RASEF: variants seen among roughly 807,000 people sequenced by gnomAD.
RASEF encodes RAS and EF-hand domain containing, also known as ras and EF-hand domain-containing protein.
RASEF carries 68 observed loss-of-function variants against 90.1 expected under a neutral mutation model. The observed-to-expected ratio is 0.75, with a 90% CI of 0.62 to 0.92. The LOEUF (loss-of-function observed/expected upper bound fraction) is 0.92. RASEF is among the 40% of genes least tolerant of loss of function. The probability of loss-of-function intolerance (pLI) is 0.00; values close to 1 mark genes in which losing one functional copy is unlikely to be tolerated. For missense variants in RASEF, 949 were observed against 937.2 expected (o/e 1.01, Z -0.16); for synonymous variants, 331 against 345.2 (o/e 0.96, Z 0.46).
At position 83,048,566 on chromosome 9, in the gene RASEF, AAATG is replaced by A. The variant is rs34939702; in HGVS notation, c.431+13867_431+13870del. 2,421 of 980,372 alleles carry A rather than the reference AAATG, an allele frequency of 2.5e-3. 43 individuals carry two copies. The African/African-American group carries it at 0.038, about 15-fold the overall frequency. The allele number at this position is 980,372 out of a possible 1,614,324, so 60.7% of individuals were successfully genotyped here. ...AGTTTAAGTGAAGGAATGAATGAGTAAATGAATGAATGAATGAATGAATGAAAAA... is the reference window on the plus strand; with the variant it reads ...AGTTTAAGTGAAGGAATGAATGAGTAAATGAATGAATGAATGAATGAAAAA... On this transcript the variant is annotated intron_variant, in intron 1 of 16. Coordinates refer to ENST00000376447, the MANE Select transcript of RASEF (RefSeq NM_152573.4).
the RASEF span, among the ~76,000 whole-genome samples, chr9:83,170,827 T>C: frequency 6.6e-6 from 1 of 151,902 alleles, no homozygotes; most frequent in African/African-American, 2.4e-5. Flanking sequence ...TTTGGTGAAG[T>C]CTTTAGGATT....
the RASEF span, among the ~76,000 whole-genome samples, chr9:83,125,984 G>A: frequency 6.6e-6 from 1 of 152,190 alleles, no homozygotes; most frequent in Non-Finnish European, 1.5e-5. Flanking sequence ...TGCTGGTTTA[G>A]CAGGGAGGAA....
Position 83,062,472 on chromosome 9 carries a change from C to T in RASEF, c.396G>A (p.Gln132=). Residue 132 remains glutamine, a synonymous_variant, in exon 1 of 17, where the codon CAG becomes CAA. Coordinates refer to ENST00000376447, the MANE Select transcript of RASEF (RefSeq NM_152573.4). ...ACTTGGCTTCGTCCCCAAGTCGCGC[C>T]TGGAAATCCTGCCAAGCCCGGCCGG... ...ASPGRAWQDF[Q]ARLGDEAKFI... The T allele has an allele frequency of 1.9e-6, 3 of 1,612,874 alleles. No individual in the cohort carries two copies. The highest frequency in any genetic ancestry group is 2.5e-6 in the Non-Finnish European group (3 of 1,179,706).
intron 14 of RASEF, among the ~76,000 whole-genome samples, chr9:82,996,252 T>A (rs1382956041): frequency 6.6e-6 from 1 of 152,204 alleles, no homozygotes; most frequent in East Asian, 1.9e-4. Context: ...TATACTTAGT[T>A]GAAAAGTTGT....
chr9:83,176,381 T>C, the RASEF span, among the ~76,000 whole-genome samples: 1 of 152,190 alleles, frequency 6.6e-6, no homozygotes, highest in Non-Finnish European at 1.5e-5. Context: ...TGTTTCTTTA[T>C]GTATAGTGTG....
At chr9:83,208,166 C>T in the RASEF span, among the ~76,000 whole-genome samples, 5,127 of 152,224 alleles carry the variant, frequency 0.034, 293 homozygotes, top group African/African-American at 0.12. Context: ...AGTTGTCAAC[C>T]GGCCATCCTG....
chr9:83,123,200 T>G, the RASEF span, among the ~76,000 whole-genome samples: 1 of 145,378 alleles, frequency 6.9e-6, no homozygotes, highest in African/African-American at 2.6e-5. Context: ...AGATTGTGCC[T>G]CTGCACTCTG....
chr9:82,991,081 G>C (rs575728643), intron 15 of RASEF, among the ~76,000 whole-genome samples: 1 of 152,154 alleles, frequency 6.6e-6, no homozygotes, highest in Non-Finnish European at 1.5e-5. Flanking sequence ...CGTGGCCCCA[G>C]GCAAGCTCTG....
chr9:83,130,694 C>T, the RASEF span, among the ~76,000 whole-genome samples: 2 of 152,250 alleles, frequency 1.3e-5, no homozygotes, highest in African/African-American at 2.4e-5. Context: ...AGTCAGCATA[C>T]AAGGAAACAA....
the RASEF span, among the ~76,000 whole-genome samples, chr9:83,190,785 T>C: frequency 6.6e-6 from 1 of 152,084 alleles, no homozygotes; most frequent in Non-Finnish European, 1.5e-5. Flanking sequence ...GCTGAAGCAA[T>C]GACTGGTGAA....
At chr9:82,989,222 A>ATGTGTGTG (rs34304913) in intron 16 of RASEF, among the ~76,000 whole-genome samples, 59 of 151,508 alleles carry the variant, frequency 3.9e-4, no homozygotes, top group South Asian at 8.3e-4. Flanking sequence ...GTATGTGTGC[A>ATGTGTGTG]TGTGTGCGTG....
the RASEF span, among the ~76,000 whole-genome samples, chr9:83,177,713 G>A: frequency 6.6e-6 from 1 of 151,746 alleles, no homozygotes; most frequent in African/African-American, 2.4e-5. Context: ...TTACTATGAT[G>A]TGTCTGTGTG....
chr9:83,135,082 G>A, the RASEF span, among the ~76,000 whole-genome samples: 3 of 152,166 alleles, frequency 2.0e-5, no homozygotes, highest in Non-Finnish European at 4.4e-5. Context: ...GTTAGGAACT[G>A]GGGAGAGGGG....
chr9:83,053,002 GA>G (rs1830046388), intron 1 of RASEF, among the ~76,000 whole-genome samples: 1 of 119,406 alleles, frequency 8.4e-6, no homozygotes, highest in African/African-American at 3.7e-5. Flanking sequence ...GTGTGGTGCT[GA>G]AAAAAATGTA....
chr9:82,996,259 T>C (rs1471057651), intron 14 of RASEF, among the ~76,000 whole-genome samples: 1 of 152,246 alleles, frequency 6.6e-6, no homozygotes, highest in East Asian at 1.9e-4. Context: ...AGTTGAAAAG[T>C]TGTATTAATA....
intron 9 of RASEF, 80 bp downstream of exon 9, chr9:83,004,418 T>TATTCTATTATTA: frequency 1.2e-6 from 1 of 809,584 alleles, no homozygotes; most frequent in Middle Eastern, 2.3e-4. Flanking sequence ...TCTATTATTT[T>TATTCTATTATTA]AATCCACCTC....
At chr9:83,183,058 G>C in the RASEF span, among the ~76,000 whole-genome samples, 2 of 152,148 alleles carry the variant, frequency 1.3e-5, no homozygotes, top group Non-Finnish European at 2.9e-5. Context: ...ACTTGGGACA[G>C]TAACAGAAAT....
the RASEF span, among the ~76,000 whole-genome samples, chr9:83,152,150 A>C: frequency 6.6e-6 from 1 of 152,150 alleles, no homozygotes; most frequent in East Asian, 1.9e-4. Context: ...GTGCCCAGTA[A>C]TTGTAAGAGG....
the RASEF span, among the ~76,000 whole-genome samples, chr9:83,092,394 G>C: frequency 2.0e-5 from 3 of 152,100 alleles, no homozygotes; most frequent in Admixed American, 1.3e-4. Flanking sequence ...CTGATGTTCG[G>C]ATATGTTCAG....
Sources: allele counts gnomAD v4.1 joint callset (sites outside exome capture counted in the v4.1 genomes callset), GRCh38; gene constraint gnomAD v4.1.1; transcripts MANE v1.5; gene names NCBI Gene and HGNC (gene_info 2026-07-23, HGNC 2026-07-21).